The following IFNG-AS1 variants were observed in gnomAD, a reference collection of about 807,000 sequenced individuals.
The protein encoded by IFNG-AS1 is IFNG regulatory antisense RNA 1, also known as IFNG antisense RNA 1 (non-protein coding).
intron 1 of IFNG-AS1, among the ~76,000 whole-genome samples, chr12:67,994,703 G>C (rs1171911490): frequency 6.6e-6 from 1 of 152,160 alleles, no homozygotes; most frequent in Non-Finnish European, 1.5e-5. Flanking sequence ...ATCTTATCTG[G>C]ATGATGAAAT....
intron 2 of IFNG-AS1, among the ~76,000 whole-genome samples, chr12:68,003,852 A>G (rs1465328845): frequency 6.6e-6 from 1 of 151,522 alleles, no homozygotes; most frequent in Non-Finnish European, 1.5e-5. Context: ...GCTTGCAGTG[A>G]ACCGAGATCG....
At chr12:68,015,643 A>G (rs1456245921) in intron 3 of IFNG-AS1, among the ~76,000 whole-genome samples, 2 of 152,178 alleles carry the variant, frequency 1.3e-5, no homozygotes, top group Non-Finnish European at 2.9e-5. Context: ...TTTTAGTACT[A>G]TATAGTCTCC....
chr12:67,992,501 T>G (rs763605881), intron 1 of IFNG-AS1, among the ~76,000 whole-genome samples: 2 of 152,216 alleles, frequency 1.3e-5, no homozygotes, highest in Non-Finnish European at 2.9e-5. Flanking sequence ...ATTATATAAC[T>G]GCTCTGTCCT....
At chr12:68,006,297 AT>A (rs111399345) in intron 3 of IFNG-AS1, among the ~76,000 whole-genome samples, 1 of 152,260 alleles carries the variant, frequency 6.6e-6, no homozygotes, top group Admixed American at 6.5e-5. Flanking sequence ...TTTCAAAAAA[AT>A]TCCGAATTTA....
intron 1 of IFNG-AS1, among the ~76,000 whole-genome samples, chr12:67,992,029 A>G (rs1210056610): frequency 6.6e-6 from 1 of 152,206 alleles, no homozygotes; most frequent in Non-Finnish European, 1.5e-5. Flanking sequence ...ACTACCTTTC[A>G]AGCCAATTCT....
intron 3 of IFNG-AS1, among the ~76,000 whole-genome samples, chr12:68,018,665 C>A (rs776592354): frequency 6.6e-6 from 1 of 152,104 alleles, no homozygotes; most frequent in Non-Finnish European, 1.5e-5. Context: ...CCTTCCTTCA[C>A]CCCTCAATGC....
At chr12:68,002,391 T>A (rs1321717510) in intron 2 of IFNG-AS1, among the ~76,000 whole-genome samples, 1 of 152,170 alleles carries the variant, frequency 6.6e-6, no homozygotes, top group East Asian at 1.9e-4. Flanking sequence ...GCTCTCAGAG[T>A]CAGATAATTT....
intron 3 of IFNG-AS1, among the ~76,000 whole-genome samples, chr12:68,015,943 CG>C (rs55658866): frequency 0.95 from 143,050 of 150,670 alleles, 67,995 homozygotes; most frequent in East Asian, 0.99. Flanking sequence ...AAACTAGAGA[CG>C]GGGGGGGGAA....
chr12:68,020,387 C>T (rs12423194), intron 4 of IFNG-AS1: 62,694 of 152,052 alleles, frequency 0.41, 15,855 homozygotes, highest in Non-Finnish European at 0.56. Context: ...AGTTTGACAT[C>T]GACAGTACAG....
chr12:68,003,964 T>TGTAAGCTTTGGTATGCCGAG (rs57502767), intron 2 of IFNG-AS1, among the ~76,000 whole-genome samples: 90,312 of 150,638 alleles, frequency 0.6, 27,388 homozygotes, highest in Middle Eastern at 0.69. Flanking sequence ...TATGTTGGTT[T>TGTAAGCTTTGGTATGCCGAG]GTATGTGGCA....
At chr12:67,993,099 T>A (rs947374238) in intron 1 of IFNG-AS1, among the ~76,000 whole-genome samples, 1 of 152,224 alleles carries the variant, frequency 6.6e-6, no homozygotes, top group African/African-American at 2.4e-5. Flanking sequence ...CCCATTAGGC[T>A]CGAATCACTT....
rs142623495 is a variant in IFNG-AS1 at position 68,007,479 on chromosome 12, C to T, written n.241+1333C>T. 3.3e-5 allele frequency among the ~76,000 whole-genome samples: 5 copies of T among 152,170 alleles called. No individual in the cohort carries two copies. The East Asian group carries it at 9.7e-4, about 29-fold the overall frequency. ...TTGAGTTTCAATAATCTATTTTAGT[C>T]AGAAAAAATAAATAATGGATGAAAT... On this transcript the variant is annotated intron_variant and non_coding_transcript_variant, in intron 3 of 5. Transcript: ENST00000536914.
chr12:67,990,036 G>A (rs1401358595), intron 1 of IFNG-AS1, among the ~76,000 whole-genome samples: 1 of 152,194 alleles, frequency 6.6e-6, no homozygotes, highest in Non-Finnish European at 1.5e-5. Context: ...ATTCAGAGAA[G>A]TTGTTCAAGG....
rs529355249 is a variant in IFNG-AS1, at chr12:68,012,647, C to T, written n.241+6501C>T. On this transcript the variant is annotated intron_variant and non_coding_transcript_variant, in intron 3 of 5. Transcript: ENST00000536914. ...ATCTGGATTCCCTCAGTTGGTTTGA[C>T]TTGTATGAACTCAATTCAATTCAAC... is the stretch of plus-strand genomic sequence containing the variant. Among the ~76,000 whole-genome samples, 7 of 152,316 alleles carry T rather than the reference C, an allele frequency of 4.6e-5. No homozygotes were observed. In the South Asian group the frequency reaches 1.5e-3, roughly 32 times the overall value.
intron 1 of IFNG-AS1, among the ~76,000 whole-genome samples, chr12:67,991,332 A>G (rs374959882): frequency 8.5e-5 from 13 of 152,332 alleles, no homozygotes; most frequent in Non-Finnish European, 1.3e-4. Flanking sequence ...AAGTGACTGC[A>G]TAGGGTTGGA....
intron 3 of IFNG-AS1, among the ~76,000 whole-genome samples, chr12:68,012,591 A>T (rs11177003): frequency 2.0e-5 from 3 of 151,900 alleles, no homozygotes; most frequent in Admixed American, 1.3e-4. Context: ...CCACAGACAC[A>T]ATCTGGGCCA....
At chr12:68,013,958 A>C (rs1163113553) in intron 3 of IFNG-AS1, among the ~76,000 whole-genome samples, 1 of 152,096 alleles carries the variant, frequency 6.6e-6, no homozygotes, top group Non-Finnish European at 1.5e-5. Context: ...TCTTCCTCTC[A>C]AGTCCCCAAA....
chr12:68,018,776 T>TTA (rs199915169), intron 3 of IFNG-AS1, among the ~76,000 whole-genome samples: 109 of 14,952 alleles, frequency 7.3e-3, no homozygotes, highest in Non-Finnish European at 0.052. Context: ...TGTTTTGTTT[T>TTA]TATATATATA....
At chr12:68,010,137 A>G (rs1879993872) in intron 3 of IFNG-AS1, among the ~76,000 whole-genome samples, 1 of 152,240 alleles carries the variant, frequency 6.6e-6, no homozygotes, top group Admixed American at 6.5e-5. Flanking sequence ...AATCATTTGA[A>G]GCAAGTGAAA....
Sources: allele counts gnomAD v4.1 joint callset (sites outside exome capture counted in the v4.1 genomes callset), GRCh38; gene constraint gnomAD v4.1.1; transcripts MANE v1.5; gene names NCBI Gene and HGNC (gene_info 2026-07-23, HGNC 2026-07-21).